The following TENM2 variants were observed in gnomAD, a reference collection of about 807,000 sequenced individuals.
TENM2 encodes the protein teneurin-2.
A neutral mutation model predicts 245.2 loss-of-function variants in TENM2; 52 were observed. That is an observed-to-expected ratio of 0.21 (90% CI 0.17 to 0.27). The LOEUF is 0.27. TENM2 is among the 10% of genes least tolerant of loss of function. The probability of loss-of-function intolerance (pLI) is 1.00; values close to 1 mark genes in which losing one functional copy is unlikely to be tolerated. For synonymous variants in TENM2, 1,363 were observed against 1,438.9 expected (o/e 0.95, Z 1.19); for missense variants, 3,046 against 3,666.8 (o/e 0.83, Z 4.37).
At chr5:167,596,808 A>AG (rs1561585412) in intron 2 of TENM2, among the ~76,000 whole-genome samples, 2 of 151,788 alleles carry the variant, frequency 1.3e-5, no homozygotes, top group African/African-American at 4.8e-5. Flanking sequence ...AAAAAAAAAA[A>AG]AAGAAGAAAA....
chr5:167,867,298 A>G (rs565321535), intron 2 of TENM2, among the ~76,000 whole-genome samples: 3 of 152,328 alleles, frequency 2.0e-5, no homozygotes, highest in South Asian at 2.1e-4. Context: ...CCTCATCTAT[A>G]TTTGACACCT....
intron 13 of TENM2, among the ~76,000 whole-genome samples, chr5:168,163,625 T>A (rs1361528632): frequency 6.6e-6 from 1 of 152,062 alleles, no homozygotes; most frequent in Non-Finnish European, 1.5e-5. Context: ...GGGCTGCTTG[T>A]TTTCAAGGTC....
intron 1 of TENM2, among the ~76,000 whole-genome samples, chr5:167,288,419 C>A (rs1048354284): frequency 6.6e-6 from 1 of 151,922 alleles, no homozygotes; most frequent in Non-Finnish European, 1.5e-5. Flanking sequence ...ATTAGTCGGG[C>A]GCGGTGGCGG....
the TENM2 span, among the ~76,000 whole-genome samples, chr5:167,197,235 G>T: frequency 6.6e-6 from 1 of 152,072 alleles, no homozygotes; most frequent in African/African-American, 2.4e-5. Flanking sequence ...CAGAGCCAGG[G>T]TTCAAACCCA....
chr5:167,182,620 G>T, the TENM2 span, among the ~76,000 whole-genome samples: 138 of 152,022 alleles, frequency 9.1e-4, no homozygotes, highest in African/African-American at 3.2e-3. Context: ...TTTTCCATTT[G>T]CCTTTTTGAC....
intron 3 of TENM2, among the ~76,000 whole-genome samples, chr5:167,898,042 C>T (rs1775369976): frequency 2.0e-5 from 3 of 152,080 alleles, no homozygotes. Flanking sequence ...CTACCTCCTG[C>T]TGATCTGGGT....
intron 2 of TENM2, among the ~76,000 whole-genome samples, chr5:167,819,938 C>A (rs1767380637): frequency 6.6e-6 from 1 of 152,132 alleles, no homozygotes; most frequent in Admixed American, 6.5e-5. Flanking sequence ...CCTTACTTCC[C>A]TTAACAGCCC....
the TENM2 span, among the ~76,000 whole-genome samples, chr5:167,169,777 G>C: frequency 6.6e-6 from 1 of 152,034 alleles, no homozygotes; most frequent in Non-Finnish European, 1.5e-5. Flanking sequence ...CCTTCCTCTT[G>C]GTGCCATGGA....
At chr5:168,195,366 G>C in intron 15 of TENM2, 71 bp downstream of exon 17, 1 of 1,529,826 alleles carries the variant, frequency 6.5e-7, no homozygotes, top group Non-Finnish European at 8.8e-7. Flanking sequence ...CGGTGCTGTT[G>C]GCTTGGAACC....
the TENM2 span, among the ~76,000 whole-genome samples, chr5:167,079,558 C>T: frequency 6.6e-6 from 1 of 151,064 alleles, no homozygotes; most frequent in Admixed American, 6.6e-5. Flanking sequence ...GGCGATCCAC[C>T]CACCTCGGCT....
chr5:167,666,494 A>C (rs1755585158), intron 2 of TENM2, among the ~76,000 whole-genome samples: 1 of 152,216 alleles, frequency 6.6e-6, no homozygotes, highest in Admixed American at 6.5e-5. Context: ...TATTGAATAA[A>C]AACATTACAT....
chr5:167,642,254 C>A (rs542386980), intron 2 of TENM2, among the ~76,000 whole-genome samples: 17 of 151,722 alleles, frequency 1.1e-4, no homozygotes, highest in Admixed American at 9.2e-4. Context: ...AAGGCTTTTT[C>A]TCTTTGCTTA....
the TENM2 span, among the ~76,000 whole-genome samples, chr5:167,057,891 C>T: frequency 6.6e-6 from 1 of 152,140 alleles, no homozygotes; most frequent in Non-Finnish European, 1.5e-5. Context: ...GTTGGAGCCT[C>T]CCTATGACTG....
chr5:168,162,574 C>T (rs371081746), intron 12 of TENM2, 37 bp from the exon 15 acceptor site: 10 of 1,605,646 alleles, frequency 6.2e-6, no homozygotes, highest in Admixed American at 3.3e-5. Flanking sequence ...CGCGGCCTCA[C>T]GTCCCTCCTT....
intron 2 of TENM2, among the ~76,000 whole-genome samples, chr5:167,487,856 A>G (rs996323133): frequency 1.3e-5 from 2 of 152,170 alleles, no homozygotes; most frequent in African/African-American, 4.8e-5. Flanking sequence ...TTATTTTGTC[A>G]GTATATAATG....
chr5:167,474,220 G>A (rs1767222641), intron 2 of TENM2, among the ~76,000 whole-genome samples: 2 of 152,126 alleles, frequency 1.3e-5, no homozygotes, highest in Non-Finnish European at 2.9e-5. Flanking sequence ...AGTTATACAA[G>A]ATTTTAACTA....
chr5:168,229,304 A>T (rs142903393), intron 25 of TENM2, among the ~76,000 whole-genome samples: 1 of 151,538 alleles, frequency 6.6e-6, no homozygotes, highest in Non-Finnish European at 1.5e-5. Flanking sequence ...AATATGTCAC[A>T]TGCCTTCCTG....
At chr5:167,480,396 T>C (rs1233310545) in intron 2 of TENM2, among the ~76,000 whole-genome samples, 1 of 152,224 alleles carries the variant, frequency 6.6e-6, no homozygotes, top group African/African-American at 2.4e-5. Flanking sequence ...CCCTGTTTTG[T>C]AGAAATTTCC....
chr5:167,107,091 C>CAAAAAAAA, the TENM2 span, among the ~76,000 whole-genome samples: 1 of 68,896 alleles, frequency 1.5e-5, no homozygotes. Flanking sequence ...CTAAAAAATA[C>CAAAAAAAA]AAAAAAAAAA....
Sources: allele counts gnomAD v4.1 joint callset (sites outside exome capture counted in the v4.1 genomes callset), GRCh38; gene constraint gnomAD v4.1.1; transcripts MANE v1.5; gene names NCBI Gene and HGNC (gene_info 2026-07-23, HGNC 2026-07-21).